Variants in SETD6 observed in about 807,000 individuals in gnomAD.
SETD6 encodes N-lysine methyltransferase SETD6.
Under a neutral mutation model 52.7 loss-of-function variants are expected in SETD6, and 67 were observed. The observed-to-expected ratio is 1.27, with a 90% confidence interval of 1.04 to 1.56. The LOEUF is 1.56. SETD6 is among the 40% of genes most tolerant of loss of function. SETD6 has a pLI of 0.00. For missense variants in SETD6, 712 were observed against 607.5 expected (o/e 1.17, Z -1.81); for synonymous variants, 307 against 250.2 (o/e 1.23, Z -2.14).
In SETD6 at chr16:58,518,887, A is replaced by G. The variant is rs1277316073; in HGVS notation, c.1280A>G (p.Tyr427Cys). The change falls in exon 8 of 8, where the codon TAT (tyrosine) becomes TGT (cysteine). Residue 427 changes from tyrosine (Y) to cysteine (C), a missense_variant. Tyr to Cys is a radical substitution (Grantham distance 194). Transcript: ENST00000219315. ...AGTGTTCTACTGACTTTGCAGACCT[A>G]TGCCACAGACTTAAAAACTGACCAA... ...QNSVLLTLQT[Y>C]ATDLKTDQGL... is the part of the protein sequence containing the mutation. The G allele has an allele frequency of 6.2e-7, 1 of 1,614,098 alleles. No homozygotes were observed. Among genetic ancestry groups the G allele is most frequent in the East Asian group, 2.2e-5 (1 of 44,894 alleles).
chr16:58,516,454 A>G (rs765024069), intron 3 of SETD6, 24 bp from the exon 4 acceptor site: 3 of 1,613,500 alleles, frequency 1.9e-6, no homozygotes, highest in East Asian at 2.2e-5. Context: ...AATGAAGGGA[A>G]CCTGGGTGTG....
Position 58,518,316 on chromosome 16 carries a change from T to C in SETD6, c.973+85T>C, listed in dbSNP as rs1371349481. 2.5e-6 allele frequency: 4 copies of C among 1,599,270 alleles called. No individual in the cohort carries two copies. The East Asian group carries it at 6.7e-5, about 27-fold the overall frequency. ...GTTAAATAGCTTTGCTAAATAGCAG[T>C]TGACTTTGTAGACTGGGTGGCAGAC... On this transcript the variant is annotated intron_variant, in intron 6 of 7. Coordinates refer to ENST00000219315, the MANE Select transcript of SETD6 (RefSeq NM_001160305.4).
At chr16:58,515,694 C>A in intron 1 of SETD6, 97 bp from the exon 2 acceptor site, 11 of 1,403,378 alleles carry the variant, frequency 7.8e-6, no homozygotes, top group Non-Finnish European at 1.0e-5. Context: ...GTCCCCTCCT[C>A]CACCCAAAGC....
intron 3 of SETD6, 63 bp from the exon 4 acceptor site, chr16:58,516,415 C>T: frequency 6.2e-7 from 1 of 1,612,770 alleles, no homozygotes; most frequent in Non-Finnish European, 8.5e-7. Flanking sequence ...CGCCCCTGCA[C>T]CAGTCCTACC....
rs138913683 is a variant in SETD6 at position 58,516,639 on chromosome 16, A to G, written c.638A>G (p.Tyr213Cys). 29 of 1,613,912 alleles carry G rather than the reference A, an allele frequency of 1.8e-5. No homozygotes were observed. Among genetic ancestry groups the G allele is most frequent in the African/African-American group, 1.7e-4 (13 of 74,920 alleles). ...CTCAGGGTTCGCTCCCTAGAACTCT[A>G]CCACCAGCTGGTGGCCCTTGTGATG... ...FSLRVRSLELYHQLVALVMAY... is the reference protein window; with the variant it reads ...FSLRVRSLELCHQLVALVMAY... The change falls in exon 4 of 8, where the codon TAC becomes TGC. Residue 213 changes from tyrosine (Y) to cysteine (C), a missense_variant. Coordinates refer to ENST00000219315, the MANE Select transcript of SETD6 (RefSeq NM_001160305.4).
chr16:58,515,525 G>C lies in SETD6; in HGVS notation c.-13G>C. ...GCGGTGCGCCGGCCCGCGAGGAAACGCGCTCTTAGACCATGGCGACCCAGG... is the reference window on the plus strand; with the variant it reads ...GCGGTGCGCCGGCCCGCGAGGAAACCCGCTCTTAGACCATGGCGACCCAGG... On this transcript the variant is annotated 5_prime_UTR_variant, in exon 1 of 8. Transcript: ENST00000219315. 1.3e-6 allele frequency: 2 copies of C among 1,583,120 alleles called. No individual in the cohort carries two copies. Among genetic ancestry groups the C allele is most frequent in the Non-Finnish European group, 1.7e-6 (2 of 1,169,534 alleles).
chr16:58,523,596 G>A lies in SETD6; in HGVS notation c.*4567G>A, dbSNP rs1039259774. The stretch of plus-strand genomic sequence containing the variant: ...GCTAGGGTTTGGGTTTCTGACAGAG[G>A]CTTTCAAATTAATCTTTGGTTTAAA... On this transcript the variant is annotated 3_prime_UTR_variant, in exon 8 of 8. Coordinates refer to ENST00000219315, the MANE Select transcript of SETD6 (RefSeq NM_001160305.4). 1 of 1,145,520 alleles carries A rather than the reference G, an allele frequency of 8.7e-7. No individual in the cohort carries two copies. The highest frequency in any genetic ancestry group is 1.5e-5 in the African/African-American group (1 of 64,720). The allele number at this position is 1,145,520 out of a possible 1,614,324, so 71.0% of individuals were successfully genotyped here.
rs1331063489 is a variant in SETD6, at chr16:58,523,303, A to AG, written c.*4276dup. On this transcript the variant is annotated 3_prime_UTR_variant, in exon 8 of 8. Transcript: ENST00000219315. ...TTCACTGAACACTGAAAGCATAAAG[A>AG]GGAAAAAAAAAAGATGAAAGGGAGG... is the stretch of plus-strand genomic sequence containing the variant. The AG allele has an allele frequency of 1.0e-5, 14 of 1,352,234 alleles. No homozygotes were observed. The African/African-American group carries it at 1.7e-4, about 17-fold the overall frequency. The allele number at this position is 1,352,234 out of a possible 1,614,324, so 83.8% of individuals were successfully genotyped here.
rs2039340892 is a variant in SETD6 at position 58,520,786 on chromosome 16, T to C, written c.*1757T>C. ...GAGTCAAAAAAATGCATTTAAACTTTGGAACGTGCCCACATAAGACAGGAG... is the reference window on the plus strand; with the variant it reads ...GAGTCAAAAAAATGCATTTAAACTTCGGAACGTGCCCACATAAGACAGGAG... On this transcript the variant is annotated 3_prime_UTR_variant, in exon 8 of 8. Coordinates refer to ENST00000219315, the MANE Select transcript of SETD6 (RefSeq NM_001160305.4). 1.6e-6 allele frequency: 1 copy of C among 639,474 alleles called. No individual in the cohort carries two copies. Among genetic ancestry groups the C allele is most frequent in the South Asian group, 2.1e-5 (1 of 47,152 alleles). 39.6% of individuals were successfully genotyped at this position (639,474 alleles called of 1,614,324 possible).
In SETD6 at chr16:58,518,942, G is replaced by T. The variant is rs368881599; in HGVS notation, c.1335G>T (p.Ala445=). The T allele has an allele frequency of 6.2e-7, 1 of 1,614,046 alleles. No homozygotes were observed. Among genetic ancestry groups the T allele is most frequent in the Non-Finnish European group, 8.5e-7 (1 of 1,180,038 alleles). The change falls in exon 8 of 8, where the codon GCG becomes GCT. Residue 445 remains alanine (A), a synonymous_variant. Transcript: ENST00000219315. The part of the protein sequence containing the change: ...QGLLSNKEVY[A]KLSWREQQAL... ...TACTCAGTAATAAGGAAGTCTATGCGAAACTCAGCTGGAGGGAACAGCAAG... is the reference window on the plus strand; with the variant it reads ...TACTCAGTAATAAGGAAGTCTATGCTAAACTCAGCTGGAGGGAACAGCAAG...
In SETD6 at chr16:58,516,012, G is replaced by A. The variant is rs1469156512; in HGVS notation, c.249G>A (p.Val83=). The A allele has an allele frequency of 6.5e-7, 1 of 1,543,034 alleles. No individual in the cohort carries two copies. ...ACGGCATGGTGGCCCGGGAGAGCGT[G>A]CAGGCCGGAGAGCTGTTGTTCGTGG... ...AGYGMVARES[V]QAGELLFVVP... is the part of the protein sequence containing the mutation. The change falls in exon 2 of 8, where the codon GTG becomes GTA. Residue 83 remains valine, a synonymous_variant. Transcript: ENST00000219315.
rs903222270 is a variant in SETD6, at chr16:58,523,252, CAAAAAAAA to C, written c.*4226_*4233del. The C allele has an allele frequency of 9.7e-7, 1 of 1,028,186 alleles. No homozygotes were observed. The highest frequency in any genetic ancestry group is 1.8e-5 in the African/African-American group (1 of 54,054). 63.7% of individuals were successfully genotyped at this position (1,028,186 alleles called of 1,614,324 possible). On this transcript the variant is annotated 3_prime_UTR_variant, in exon 8 of 8. Coordinates refer to ENST00000219315, the MANE Select transcript of SETD6 (RefSeq NM_001160305.4). The stretch of plus-strand genomic sequence containing the variant: ...AGAGCAACACTCCGTCTCAAAAAAA[CAAAAAAAA>C]AACCAACCAAACGGATTTTCACTGA...
Position 58,516,262 on chromosome 16 carries a change from AGCTGCAGGCCCCGGCCTCAC to A in SETD6, c.400_419del (p.Gln134GlufsTer35), listed in dbSNP as rs1182525127. On this transcript the variant is annotated frameshift_variant, in exon 3 of 8. Coordinates refer to ENST00000219315, the MANE Select transcript of SETD6 (RefSeq NM_001160305.4). LOFTEE classifies it high-confidence loss of function. The stretch of plus-strand genomic sequence containing the variant: ...CCACTGCTGCTGGCGCTGCTCCACG[AGCTGCAGGCCCCGGCCTCAC>A]GCTGGAGGCCCTACTTTGCGCTCTG... 6.9e-6 allele frequency: 11 copies of A among 1,600,874 alleles called. No individual in the cohort carries two copies. Among genetic ancestry groups the A allele is most frequent in the South Asian group, 1.1e-5 (1 of 90,994 alleles).
chr16:58,521,886 G>A lies in SETD6; in HGVS notation c.*2857G>A, dbSNP rs1357192385. 6.6e-6 allele frequency among the ~76,000 whole-genome samples: 1 copy of A among 152,284 alleles called. No individual in the cohort carries two copies. Among genetic ancestry groups the A allele is most frequent in the Middle Eastern group, 3.4e-3 (1 of 294 alleles). ...GAATCGCTTGAACCCAGTAGGTGGA[G>A]GTTGTGGTGAGCCGAGATGGTGCCA... On this transcript the variant is annotated 3_prime_UTR_variant, in exon 8 of 8. Transcript: ENST00000219315.
In SETD6 at chr16:58,522,565, T is replaced by TGA. The variant is rs929829523; in HGVS notation, c.*3537_*3538insAG. On this transcript the variant is annotated 3_prime_UTR_variant, in exon 8 of 8. Coordinates refer to ENST00000219315, the MANE Select transcript of SETD6 (RefSeq NM_001160305.4). The stretch of plus-strand genomic sequence containing the variant: ...TGGCCCAATTTTTAAAGTGTGTGTG[T>TGA]GTGTGTATCACAATCTCTCTAATGC... 2.6e-5 allele frequency among the ~76,000 whole-genome samples: 4 copies of TGA among 152,256 alleles called. No homozygotes were observed. Among genetic ancestry groups the TGA allele is most frequent in the Admixed American group, 2.0e-4 (3 of 15,300 alleles).
chr16:58,520,307 T>A lies in SETD6; in HGVS notation c.*1278T>A, dbSNP rs1458256072. On this transcript the variant is annotated 3_prime_UTR_variant, in exon 8 of 8. Coordinates refer to ENST00000219315, the MANE Select transcript of SETD6 (RefSeq NM_001160305.4). ...TTTATATAAAGAGCTGACCCCCATC[T>A]CAGGCGGCTGAGGTGTATAATCCCC... 1.3e-5 allele frequency: 2 copies of A among 152,282 alleles called. No individual in the cohort carries two copies. Among genetic ancestry groups the A allele is most frequent in the African/African-American group, 4.8e-5 (2 of 41,418 alleles). The allele number at this position is 152,282 out of a possible 1,614,324, so 9.4% of individuals were successfully genotyped here. A position where few individuals can be genotyped will look rare whatever the true frequency, so the allele number is the denominator to read the frequency against.
At chr16:58,517,969 T>C in intron 5 of SETD6, 82 bp from the exon 6 acceptor site, 2 of 1,569,210 alleles carry the variant, frequency 1.3e-6, no homozygotes, top group Non-Finnish European at 1.7e-6. Flanking sequence ...CTACACCTGC[T>C]GAAGGCTCTT....
rs780094546 is a variant in SETD6, at chr16:58,518,544, G to T, written c.1116+1G>T. On this transcript the variant is annotated splice_donor_variant, in intron 7 of 7. Coordinates refer to ENST00000219315, the MANE Select transcript of SETD6 (RefSeq NM_001160305.4). LOFTEE classifies it high-confidence loss of function. ...AGAGGAGCTGACCACCACACTAAAG[G>T]TAAACGGCTGAAAATGGCCATTTAA... 11 of 1,597,094 alleles carry T rather than the reference G, an allele frequency of 6.9e-6. 1 individual carries two copies. The Middle Eastern group carries it at 1.2e-3, about 171-fold the overall frequency.
chr16:58,523,358 C>CT lies in SETD6; in HGVS notation c.*4330dup. On this transcript the variant is annotated 3_prime_UTR_variant, in exon 8 of 8. Coordinates refer to ENST00000219315, the MANE Select transcript of SETD6 (RefSeq NM_001160305.4). ...CCTTTTGAAGCATTTAAAAAATAAG[C>CT]TGCTCGCTTACCTTGTGATCTGTTC... 1 of 1,560,240 alleles carries CT rather than the reference C, an allele frequency of 6.4e-7. No homozygotes were observed. The highest frequency in any genetic ancestry group is 8.7e-7 in the Non-Finnish European group (1 of 1,153,504).
Sources: gnomAD v4.1 joint callset for allele counts (sites outside exome capture counted in the v4.1 genomes callset) on GRCh38, gnomAD v4.1.1 for gene constraint, MANE v1.5 for transcripts, NCBI Gene and HGNC (gene_info 2026-07-23, HGNC 2026-07-21) for gene names.